The following OPRM1 variants were observed in gnomAD, a reference collection of about 807,000 sequenced individuals.
OPRM1 encodes mu-type opioid receptor.
A neutral mutation model predicts 31.8 loss-of-function variants in OPRM1; 27 were observed. The observed-to-expected ratio is 0.85, with a 90% CI of 0.63 to 1.17. The LOEUF (loss-of-function observed/expected upper bound fraction) is 1.17. OPRM1 is among the 50% of genes most tolerant of loss of function. The pLI is 0.00. For synonymous variants in OPRM1, 196 were observed against 189.9 expected (o/e 1.03, Z -0.26); for missense variants, 536 against 511.1 (o/e 1.05, Z -0.47).
At chr6:154,235,448 T>C (rs1370338478) in intron 3 of OPRM1, among the ~76,000 whole-genome samples, 2 of 150,582 alleles carry the variant, frequency 1.3e-5, no homozygotes, top group East Asian at 1.9e-4. Context: ...GGAGAATCAC[T>C]TGAACCCGGG....
intron 1 of OPRM1, among the ~76,000 whole-genome samples, chr6:154,078,379 G>A (rs1026777065): frequency 3.9e-5 from 6 of 152,054 alleles, no homozygotes; most frequent in Non-Finnish European, 8.8e-5. Context: ...TTTTTATACT[G>A]CAGGTCTGTT....
At chr6:154,165,100 C>G (rs1799322103) in intron 3 of OPRM1, among the ~76,000 whole-genome samples, 1 of 152,198 alleles carries the variant, frequency 6.6e-6, no homozygotes, top group Admixed American at 6.5e-5. Context: ...TACTTTGGAG[C>G]TTTTAAAACA....
At chr6:154,070,455 T>G (rs1786442228) in intron 1 of OPRM1, among the ~76,000 whole-genome samples, 1 of 152,214 alleles carries the variant, frequency 6.6e-6, no homozygotes, top group African/African-American at 2.4e-5. Flanking sequence ...CCACTGTTAT[T>G]TAAGAGGTGC....
At chr6:154,046,439 G>T (rs540864054) in intron 1 of OPRM1, among the ~76,000 whole-genome samples, 1 of 152,186 alleles carries the variant, frequency 6.6e-6, no homozygotes, top group Admixed American at 6.5e-5. Context: ...TTATCTGAGG[G>T]TATAAGAAAA....
chr6:154,094,883 T>C (rs1583509615), intron 3 of OPRM1, among the ~76,000 whole-genome samples: 1 of 152,218 alleles, frequency 6.6e-6, no homozygotes, highest in East Asian at 1.9e-4. Context: ...TATGACCACT[T>C]CTGCTAACAA....
intron 3 of OPRM1, among the ~76,000 whole-genome samples, chr6:154,236,488 G>A (rs1418307060): frequency 6.6e-6 from 1 of 152,126 alleles, no homozygotes; most frequent in Non-Finnish European, 1.5e-5. Context: ...CGGTTGCACA[G>A]TAATAAGAAA....
At chr6:154,099,659 G>GTATATATATATATACATATA (rs1554275130) in intron 3 of OPRM1, among the ~76,000 whole-genome samples, 23 of 143,882 alleles carry the variant, frequency 1.6e-4, no homozygotes, top group Non-Finnish European at 2.1e-4. Context: ...ATACACACAT[G>GTATATATATATATACATATA]TATATACATA....
chr6:154,054,367 CAAAAAAAAAAA>C (rs1194794442), intron 1 of OPRM1, among the ~76,000 whole-genome samples: 2 of 53,040 alleles, frequency 3.8e-5, no homozygotes, highest in African/African-American at 1.2e-4. Flanking sequence ...GACTCCGTCT[CAAAAAAAAAAA>C]AAAAAAAAAA....
rs71021028 is a variant in OPRM1, at chr6:154,152,347, G to GGAAAGAAAGAAAGAAAGAAA, written c.1164+60902_1164+60921dup. Among the ~76,000 whole-genome samples the GGAAAGAAAGAAAGAAAGAAA allele has an allele frequency of 4.4e-3, 284 of 65,122 alleles. 3 individuals are homozygous for GGAAAGAAAGAAAGAAAGAAA. The highest frequency in any genetic ancestry group is 6.4e-3 in the Middle Eastern group (1 of 156). The allele number at this position is 65,122 out of a possible 152,430, so 42.7% of individuals were successfully genotyped here. Reference sequence around the variant, plus strand: ...AGAAAGAAAGAAAGAAAGAAAGAAAGGAAAGAAAGAAAGAAAGAAAGAAAG... The same window carrying GGAAAGAAAGAAAGAAAGAAA: ...AGAAAGAAAGAAAGAAAGAAAGAAAGGAAAGAAAGAAAGAAAGAAAGAAAGAAAGAAAGAAAGAAAGAAAG... On this transcript the variant is annotated intron_variant, in intron 3 of 3. Transcript: ENST00000337049.
rs7742284 is a variant in OPRM1, at chr6:154,087,742, T to C, written c.291-2084T>C. 1,580 of 225,462 alleles carry C rather than the reference T, an allele frequency of 7.0e-3. 28 individuals are homozygous for C. Among genetic ancestry groups the C allele is most frequent in the African/African-American group, 0.035 (1,515 of 42,836 alleles). The allele number at this position is 225,462 out of a possible 1,614,324, so 14.0% of individuals were successfully genotyped here. A position where few individuals can be genotyped will look rare whatever the true frequency, so the allele number is the denominator to read the frequency against. ...GTAATACAGCCTATCCCAAAGCACC[T>C]GGACTGAGAACGGGAAATGAGTGGT... On this transcript the variant is annotated intron_variant, in intron 1 of 3. Transcript: ENST00000330432.
chr6:154,228,307 A>T (rs1367307886), intron 3 of OPRM1, among the ~76,000 whole-genome samples: 1 of 135,828 alleles, frequency 7.4e-6, no homozygotes, highest in East Asian at 2.9e-4. Flanking sequence ...CTCTGTTTAA[A>T]AAAAAAAAAA....
intron 1 of OPRM1, among the ~76,000 whole-genome samples, chr6:154,061,128 T>C (rs1784313287): frequency 6.6e-6 from 1 of 152,134 alleles, no homozygotes; most frequent in African/African-American, 2.4e-5. Context: ...CTGGAAAACT[T>C]TGGGGCCCAC....
At position 154,174,031 on chromosome 6, in the gene OPRM1, G is replaced by C. The variant is rs540441114; in HGVS notation, c.1165-72662G>C. Among the ~76,000 whole-genome samples, 905 of 152,296 alleles carry C rather than the reference G, an allele frequency of 5.9e-3. 12 individuals carry two copies. The highest frequency in any genetic ancestry group is 0.021 in the African/African-American group (865 of 41,572). ...GGGGCCAATATTCAACATTCTTAAAGGAAAGAATTTCCAACCCAGAATTTC... is the reference window on the plus strand; with the variant it reads ...GGGGCCAATATTCAACATTCTTAAACGAAAGAATTTCCAACCCAGAATTTC... On this transcript the variant is annotated intron_variant, in intron 3 of 3. Transcript: ENST00000337049.
At chr6:154,018,470 A>G (rs1414527873) in intron 1 of OPRM1, among the ~76,000 whole-genome samples, 1 of 151,324 alleles carries the variant, frequency 6.6e-6, no homozygotes, top group Non-Finnish European at 1.5e-5. Flanking sequence ...TTGGGTTCCA[A>G]GTTCTTTCTC....
chr6:154,069,603 C>T lies in OPRM1; in HGVS notation c.291-20223C>T, dbSNP rs569863015. ...GAAACCAGTGTCATGAAGCTTTTTC[C>T]TATGTTTTCTTTTAGCATTTTCATA... On this transcript the variant is annotated intron_variant, in intron 1 of 3. Transcript: ENST00000330432. Among the ~76,000 whole-genome samples, 10 of 152,242 alleles carry T rather than the reference C, an allele frequency of 6.6e-5. 1 individual carries two copies. The highest frequency in any genetic ancestry group is 2.4e-4 in the African/African-American group (10 of 41,560).
chr6:154,235,502 G>T (rs1780047152), intron 3 of OPRM1, among the ~76,000 whole-genome samples: 1 of 134,934 alleles, frequency 7.4e-6, no homozygotes. Context: ...TTGCACTCCA[G>T]CCTGGGCGAC....
intron 1 of OPRM1, among the ~76,000 whole-genome samples, chr6:154,050,675 A>G (rs1333280674): frequency 2.0e-5 from 3 of 152,170 alleles, no homozygotes; most frequent in African/African-American, 7.2e-5. Flanking sequence ...ATTAGAAAGA[A>G]TAAATAAGAC....
At chr6:154,064,184 G>A (rs973729344) in intron 1 of OPRM1, among the ~76,000 whole-genome samples, 8 of 152,044 alleles carry the variant, frequency 5.3e-5, no homozygotes, top group Non-Finnish European at 1.0e-4. Context: ...TGAATGTGAG[G>A]AGGTGTCTCA....
intron 3 of OPRM1, among the ~76,000 whole-genome samples, chr6:154,217,782 T>C (rs790261): frequency 0.6 from 91,773 of 151,994 alleles, 28,319 homozygotes; most frequent in South Asian, 0.76. Context: ...TTATTCTCCC[T>C]CAAAAAAGCA....
Sources: allele counts gnomAD v4.1 joint callset (sites outside exome capture counted in the v4.1 genomes callset), GRCh38; gene constraint gnomAD v4.1.1; transcripts MANE v1.5; gene names NCBI Gene and HGNC (gene_info 2026-07-23, HGNC 2026-07-21).